Variants in PROS1 observed in about 807,000 individuals in gnomAD.
PROS1 encodes vitamin K-dependent protein S.
In PROS1, 29 loss-of-function variants were observed where a neutral mutation model predicts 75.9. That is an observed-to-expected ratio of 0.38 (90% CI 0.28 to 0.52). The LOEUF is 0.52. Ranked by LOEUF, PROS1 falls within the 20% of genes least tolerant of loss-of-function variation. The probability of loss-of-function intolerance (pLI) is 0.83; values close to 1 mark genes in which losing one functional copy is unlikely to be tolerated. For synonymous variants in PROS1, 245 were observed against 280.6 expected (o/e 0.87, Z 1.27); for missense variants, 680 against 810.3 (o/e 0.84, Z 1.95).
rs1358610168 is a variant in PROS1 at position 93,973,768 on chromosome 3, G to T, written c.-19C>A. The T allele has an allele frequency of 3.1e-6, 5 of 1,604,930 alleles. No individual in the cohort carries two copies. The highest frequency in any genetic ancestry group is 4.3e-6 in the Non-Finnish European group (5 of 1,175,718). Reference sequence around the variant, plus strand: ...CCCTCATTTCGAAGCGCGCGGAGGCGCCGGCAGGGACGGTGGCGCGTCGCG... The same window carrying T: ...CCCTCATTTCGAAGCGCGCGGAGGCTCCGGCAGGGACGGTGGCGCGTCGCG... On this transcript the variant is annotated 5_prime_UTR_variant, in exon 1 of 15. Coordinates refer to ENST00000394236, the MANE Select transcript of PROS1 (RefSeq NM_000313.4).
intron 1 of PROS1, among the ~76,000 whole-genome samples, chr3:93,954,540 T>C (rs1429118669): frequency 6.6e-6 from 1 of 152,324 alleles, no homozygotes; most frequent in South Asian, 2.1e-4. Context: ...AAGCTGAAAC[T>C]GGATCCCTTC....
intron 1 of PROS1, among the ~76,000 whole-genome samples, chr3:93,968,658 T>A (rs1270945679): frequency 6.6e-6 from 1 of 152,106 alleles, no homozygotes. Flanking sequence ...CACTAGGGGA[T>A]CTAACATATT....
In PROS1 at chr3:93,906,162, TA is replaced by T. The variant is rs796775333; in HGVS notation, c.347-20del. 5.6e-6 allele frequency: 9 copies of T among 1,611,704 alleles called. No individual in the cohort carries two copies. In the African/African-American group the frequency reaches 1.1e-4, roughly 19 times the overall value. On this transcript the variant is annotated intron_variant, in intron 4 of 14. Coordinates refer to ENST00000394236, the MANE Select transcript of PROS1 (RefSeq NM_000313.4). ...GGAATGGCTGAAGGAAATAGACATC[TA>T]TTTATTTTTTTTATCTCATGTCATG...
chr3:93,892,992 C>G lies in PROS1; in HGVS notation c.1096G>C (p.Glu366Gln). 1 of 1,613,366 alleles carries G rather than the reference C, an allele frequency of 6.2e-7. No individual in the cohort carries two copies. The highest frequency in any genetic ancestry group is 8.5e-7 in the Non-Finnish European group (1 of 1,179,988). ...CCAGTTGTGATTTTGGATGTATGTT[C>G]ATTCTTAAGCTGAACTTCAATCTTT... is the stretch of plus-strand genomic sequence containing the variant. The part of the protein sequence containing the change: ...GGKIEVQLKN[E>Q]HTSKITTGGD... Residue 366 changes from glutamate to glutamine, a missense_variant, in exon 10 of 15, where the codon GAA (glutamate) becomes CAA (glutamine). Coordinates refer to ENST00000394236, the MANE Select transcript of PROS1 (RefSeq NM_000313.4).
chr3:93,910,179 T>C (rs888021773), intron 4 of PROS1, among the ~76,000 whole-genome samples: 1 of 152,220 alleles, frequency 6.6e-6, no homozygotes, highest in Non-Finnish European at 1.5e-5. Flanking sequence ...AGGCCCCTTG[T>C]GAACTTCAGA....
intron 1 of PROS1, among the ~76,000 whole-genome samples, chr3:93,929,112 G>GA (rs976797262): frequency 1.7e-4 from 26 of 152,214 alleles, no homozygotes; most frequent in African/African-American, 5.8e-4. Flanking sequence ...CCATGTGCTG[G>GA]AAAAAATAGA....
At chr3:93,969,142 G>A (rs1010106217) in intron 1 of PROS1, among the ~76,000 whole-genome samples, 2 of 40,766 alleles carry the variant, frequency 4.9e-5, no homozygotes, top group Non-Finnish European at 9.7e-5. Context: ...TTTTTTTTTT[G>A]CATATAAGAT....
intron 1 of PROS1, among the ~76,000 whole-genome samples, chr3:93,953,864 G>A (rs1268441262): frequency 3.3e-5 from 5 of 152,106 alleles, no homozygotes; most frequent in Admixed American, 6.5e-5. Flanking sequence ...AAGCTGATAA[G>A]CAACTTCAGC....
intron 1 of PROS1, among the ~76,000 whole-genome samples, chr3:93,928,290 C>T (rs1351329506): frequency 6.7e-6 from 1 of 149,606 alleles, no homozygotes; most frequent in African/African-American, 2.5e-5. Context: ...GTGATCATAC[C>T]ACTTCACTCC....
intron 9 of PROS1, among the ~76,000 whole-genome samples, chr3:93,893,352 T>C (rs770647310): frequency 1.3e-5 from 2 of 152,206 alleles, no homozygotes; most frequent in Admixed American, 6.5e-5. Context: ...ATTCTTGGAA[T>C]CTTTTCCCCA....
chr3:93,913,795 T>A (rs557933124), intron 3 of PROS1, among the ~76,000 whole-genome samples: 48 of 152,332 alleles, frequency 3.2e-4, no homozygotes, highest in Admixed American at 2.9e-3. Context: ...AAGTCTCATC[T>A]AAATCAGATA....
chr3:93,929,809 G>A (rs960968036), intron 1 of PROS1, among the ~76,000 whole-genome samples: 1 of 152,294 alleles, frequency 6.6e-6, no homozygotes, highest in Non-Finnish European at 1.5e-5. Flanking sequence ...AATGAAAAAT[G>A]TAAAAAACAT....
Position 93,892,660 on chromosome 3 carries a change from C to T in PROS1, c.1155+273G>A, listed in dbSNP as rs574368070. 8.6e-5 allele frequency among the ~76,000 whole-genome samples: 13 copies of T among 152,022 alleles called. No individual in the cohort carries two copies. The South Asian group carries it at 2.7e-3, about 32-fold the overall frequency. On this transcript the variant is annotated intron_variant, in intron 10 of 14. Transcript: ENST00000394236. ...AAAAATGTTAGGCCTCCTAATAGTCCCTAACACCACTGTTCACCAAACAGC... is the reference window on the plus strand; with the variant it reads ...AAAAATGTTAGGCCTCCTAATAGTCTCTAACACCACTGTTCACCAAACAGC...
chr3:93,910,953 C>T (rs2107178315), intron 3 of PROS1: 2 of 460,914 alleles, frequency 4.3e-6, no homozygotes, highest in Non-Finnish European at 7.9e-6. Flanking sequence ...TGGAGAAGAA[C>T]CTTAAAGTCA....
chr3:93,914,099 T>C (rs1250360405), intron 3 of PROS1, among the ~76,000 whole-genome samples: 1 of 152,226 alleles, frequency 6.6e-6, no homozygotes, highest in Admixed American at 6.5e-5. Context: ...GCGTAGGCCA[T>C]GCTGCGGCTC....
Position 93,877,032 on chromosome 3 carries a change from T to G in PROS1, c.1804A>C (p.Arg602=). The change falls in exon 14 of 15, where the codon AGA becomes CGA. Residue 602 remains arginine (R), a synonymous_variant. Transcript: ENST00000394236. Reference sequence around the variant, plus strand: ...GCTTTGTCCAAGACGGCAAGTTGTCTTTGAAGGTCTTCATGGGAGATGGTT... The same window carrying G: ...GCTTTGTCCAAGACGGCAAGTTGTCGTTGAAGGTCTTCATGGGAGATGGTT... ...IETISHEDLQ[R]QLAVLDKAMK... 6.2e-7 allele frequency: 1 copy of G among 1,614,094 alleles called. No individual in the cohort carries two copies. Among genetic ancestry groups the G allele is most frequent in the Non-Finnish European group, 8.5e-7 (1 of 1,179,940 alleles).
At chr3:93,941,651 A>G (rs1159978907) in intron 1 of PROS1, among the ~76,000 whole-genome samples, 4 of 152,062 alleles carry the variant, frequency 2.6e-5, no homozygotes, top group Non-Finnish European at 5.9e-5. Context: ...TTCATTACAC[A>G]CAGCCAAAGT....
At chr3:93,945,718 A>T (rs1709381699) in intron 1 of PROS1, among the ~76,000 whole-genome samples, 1 of 152,188 alleles carries the variant, frequency 6.6e-6, no homozygotes, top group Non-Finnish European at 1.5e-5. Flanking sequence ...GAATGGGCAA[A>T]AATGGAAGCA....
At chr3:93,952,892 G>A (rs1415436668) in intron 1 of PROS1, among the ~76,000 whole-genome samples, 1 of 152,100 alleles carries the variant, frequency 6.6e-6, no homozygotes, top group South Asian at 2.1e-4. Context: ...AATGATAAAG[G>A]AGATATCACC....
Sources: allele counts gnomAD v4.1 joint callset (sites outside exome capture counted in the v4.1 genomes callset), GRCh38; gene constraint gnomAD v4.1.1; transcripts MANE v1.5; gene names NCBI Gene and HGNC (gene_info 2026-07-23, HGNC 2026-07-21).